The following HIF1A variants were observed in gnomAD, a reference collection of about 807,000 sequenced individuals.
HIF1A encodes the protein hypoxia-inducible factor 1-alpha.
HIF1A carries 24 observed loss-of-function variants against 92.7 expected under a neutral mutation model. The ratio of observed to expected loss-of-function variants is 0.26; its 90% confidence interval spans 0.19 to 0.36. HIF1A has a LOEUF of 0.36. HIF1A is among the 10% of genes least tolerant of loss of function. HIF1A has a pLI of 1.00. For missense variants in HIF1A, 799 were observed against 998.5 expected (o/e 0.80, Z 2.69); for synonymous variants, 319 against 338.7 (o/e 0.94, Z 0.64).
intron 1 of HIF1A, among the ~76,000 whole-genome samples, chr14:61,718,839 C>G (rs538638987): frequency 6.6e-6 from 1 of 152,244 alleles, no homozygotes; most frequent in South Asian, 2.1e-4. Context: ...TTTAATAGCT[C>G]ACCGTAAATT....
chr14:61,711,535 C>G (rs1348180773), intron 1 of HIF1A, among the ~76,000 whole-genome samples: 1 of 152,190 alleles, frequency 6.6e-6, no homozygotes, highest in Non-Finnish European at 1.5e-5. Context: ...TTTCTCAGCT[C>G]TCTCTTTACA....
rs754879947 is a variant in HIF1A at position 61,746,392 on chromosome 14, C to CTTTTTTTTTT, written c.2330-529_2330-520dup. ...TGAAATTTGTGAACTTTTATGACTT[C>CTTTTTTTTTT]TTTTTTTTTTTTTTTTTTTTTTGAG... On this transcript the variant is annotated intron_variant, in intron 14 of 14. Coordinates refer to ENST00000337138, the MANE Select transcript of HIF1A (RefSeq NM_001530.4). Among the ~76,000 whole-genome samples the CTTTTTTTTTT allele has an allele frequency of 4.6e-4, 23 of 49,474 alleles. 1 individual carries two copies. Among genetic ancestry groups the CTTTTTTTTTT allele is most frequent in the African/African-American group, 8.9e-4 (18 of 20,114 alleles). The allele number at this position is 49,474 out of a possible 152,430, so 32.5% of individuals were successfully genotyped here. A position where few individuals can be genotyped will look rare whatever the true frequency, so the allele number is the denominator to read the frequency against.
rs192972661 is a variant in HIF1A at position 61,719,129 on chromosome 14, A to G, written c.36-1253A>G. Among the ~76,000 whole-genome samples, 53 of 152,328 alleles carry G rather than the reference A, an allele frequency of 3.5e-4. No individual in the cohort carries two copies. In the East Asian group the frequency reaches 6.0e-3, roughly 17 times the overall value. Reference sequence around the variant, plus strand: ...GAAGGAGGAGAGATTTGGGGTGGAGACAATTCGGTACTTCATTCACAGGAT... The same window carrying G: ...GAAGGAGGAGAGATTTGGGGTGGAGGCAATTCGGTACTTCATTCACAGGAT... On this transcript the variant is annotated intron_variant, in intron 1 of 14. Coordinates refer to ENST00000337138, the MANE Select transcript of HIF1A (RefSeq NM_001530.4).
chr14:61,726,993 A>C (rs2140142458), intron 5 of HIF1A, among the ~76,000 whole-genome samples, 175 bp downstream of exon 5: 1 of 152,354 alleles, frequency 6.6e-6, no homozygotes, highest in African/African-American at 2.4e-5. Context: ...ACCGTGTAGT[A>C]ATTTGCCAAT....
At chr14:61,711,355 C>T (rs1477899914) in intron 1 of HIF1A, among the ~76,000 whole-genome samples, 1 of 151,950 alleles carries the variant, frequency 6.6e-6, no homozygotes, top group Non-Finnish European at 1.5e-5. Context: ...CAGGAGTGCA[C>T]CATTACACTC....
At chr14:61,722,608 C>G (rs1299705827) in intron 4 of HIF1A, among the ~76,000 whole-genome samples, 1 of 152,154 alleles carries the variant, frequency 6.6e-6, no homozygotes, top group Non-Finnish European at 1.5e-5. Flanking sequence ...GGACTTTAGA[C>G]AGTCATTAAA....
At chr14:61,695,870 T>A (rs924151701) in intron 1 of HIF1A, 31 bp downstream of exon 1, 6 of 1,551,388 alleles carry the variant, frequency 3.9e-6, no homozygotes, top group Non-Finnish European at 5.2e-6. Flanking sequence ...CGCCGCCTTC[T>A]CCCCCGGCGA....
At chr14:61,708,331 G>A (rs913391893) in intron 1 of HIF1A, among the ~76,000 whole-genome samples, 1 of 152,094 alleles carries the variant, frequency 6.6e-6, no homozygotes, top group African/African-American at 2.4e-5. Flanking sequence ...GTCAATTTTG[G>A]CTTCTGTTGC....
chr14:61,743,920 T>C (rs768357563), intron 12 of HIF1A, among the ~76,000 whole-genome samples: 8 of 152,182 alleles, frequency 5.3e-5, no homozygotes, highest in Non-Finnish European at 7.3e-5. Context: ...AGTAGGACTT[T>C]GAGAAAGTTA....
chr14:61,740,074 T>G (rs2044688938), intron 10 of HIF1A: 1 of 127,426 alleles, frequency 7.8e-6, no homozygotes, highest in African/African-American at 2.8e-5. Flanking sequence ...TTTTTTTTTT[T>G]TTTTTTTTTT....
chr14:61,726,484 G>A (rs1385390362), intron 4 of HIF1A: 1 of 335,516 alleles, frequency 3.0e-6, no homozygotes, highest in Non-Finnish European at 5.4e-6. Flanking sequence ...CCCAAATATG[G>A]ATTATCTTTC....
chr14:61,734,663 A>C (rs1248803904), intron 8 of HIF1A, among the ~76,000 whole-genome samples: 1 of 152,100 alleles, frequency 6.6e-6, no homozygotes, highest in African/African-American at 2.4e-5. Flanking sequence ...TCTACCACTC[A>C]TTAGCTCCCT....
chr14:61,720,911 C>A (rs570861269), intron 2 of HIF1A, among the ~76,000 whole-genome samples: 1 of 152,218 alleles, frequency 6.6e-6, no homozygotes, highest in South Asian at 2.1e-4. Context: ...CCCCTCCCCC[C>A]TTTTTCTCCT....
intron 5 of HIF1A, among the ~76,000 whole-genome samples, 181 bp downstream of exon 5, chr14:61,726,999 C>T (rs183283571): frequency 1.1e-4 from 16 of 152,280 alleles, no homozygotes; most frequent in Admixed American, 1.0e-3. Flanking sequence ...TAGTAATTTG[C>T]CAATTTGAGG....
At chr14:61,745,940 G>A (rs2044777975) in intron 14 of HIF1A, 123 bp downstream of exon 14, 3 of 891,534 alleles carry the variant, frequency 3.4e-6, no homozygotes, top group Non-Finnish European at 5.1e-6. Flanking sequence ...AAGTAAAGTT[G>A]TGGCTGGGCG....
chr14:61,721,948 A>G lies in HIF1A; in HGVS notation c.457+125A>G, dbSNP rs117372003. The G allele has an allele frequency of 8.1e-3, 5,159 of 637,706 alleles. 30 individuals carry two copies. The highest frequency in any genetic ancestry group is 0.021 in the Middle Eastern group (54 of 2,558). 39.5% of individuals were successfully genotyped at this position (637,706 alleles called of 1,614,324 possible). On this transcript the variant is annotated intron_variant, in intron 4 of 14. Coordinates refer to ENST00000337138, the MANE Select transcript of HIF1A (RefSeq NM_001530.4). Reference sequence around the variant, plus strand: ...AAAATGTTATTTCATGTTTAATAAAATGTCTATTCTTTGTTAAAACTATTA... The same window carrying G: ...AAAATGTTATTTCATGTTTAATAAAGTGTCTATTCTTTGTTAAAACTATTA...
At chr14:61,697,888 T>A in intron 1 of HIF1A, 1 of 1,520,122 alleles carries the variant, frequency 6.6e-7, no homozygotes, top group South Asian at 1.2e-5. Flanking sequence ...AACAAATTTG[T>A]CTTTTTAAAA....
chr14:61,741,243 T>C (rs2044707784), intron 12 of HIF1A, 55 bp downstream of exon 12: 1 of 1,207,502 alleles, frequency 8.3e-7, no homozygotes, highest in South Asian at 1.5e-5. Context: ...GAGATAAATG[T>C]ATGTGATAGT....
chr14:61,738,465 C>T lies in HIF1A; in HGVS notation c.1536+92C>T, dbSNP rs900952453. ...AGTTTGATTCAAACACTTATTTGAA[C>T]CACAAATTACATTTGTGTGTGTGTT... On this transcript the variant is annotated intron_variant, in intron 10 of 14. Transcript: ENST00000337138. 45 of 1,108,518 alleles carry T rather than the reference C, an allele frequency of 4.1e-5. No homozygotes were observed. In the African/African-American group the frequency reaches 6.1e-4, roughly 15 times the overall value. The allele number at this position is 1,108,518 out of a possible 1,614,324, so 68.7% of individuals were successfully genotyped here.
Sources: allele counts gnomAD v4.1 joint callset (sites outside exome capture counted in the v4.1 genomes callset), GRCh38; gene constraint gnomAD v4.1.1; transcripts MANE v1.5; gene names NCBI Gene and HGNC (gene_info 2026-07-23, HGNC 2026-07-21).